Variants in MAP1B observed in about 807,000 individuals in gnomAD.
The protein encoded by MAP1B is microtubule associated protein 1B, also known as microtubule-associated protein 1B.
A neutral mutation model predicts 176.1 loss-of-function variants in MAP1B; 12 were observed. That is an observed-to-expected ratio of 0.07 (90% CI 0.04 to 0.11). MAP1B has a LOEUF of 0.11. MAP1B is among the 10% of genes least tolerant of loss of function. The probability of loss-of-function intolerance (pLI) is 1.00; values close to 1 mark genes in which losing one functional copy is unlikely to be tolerated. For synonymous variants in MAP1B, 1,044 were observed against 1,135.0 expected, an observed-to-expected ratio of 0.92 and a Z score of 1.61; for missense variants, 2,523 against 2,990.5, an observed-to-expected ratio of 0.84 and a Z score of 3.65.
rs3792806 is a variant in MAP1B, at chr5:72,186,060, C to T, written c.370-554C>T. Among the ~76,000 whole-genome samples the T allele has an allele frequency of 0.85, 128,759 of 152,194 alleles. 55,058 individuals are homozygous for T. The highest frequency in any genetic ancestry group is 0.97 in the East Asian group (5,000 of 5,180). On this transcript the variant is annotated intron_variant, in intron 3 of 6. Coordinates refer to ENST00000296755, the MANE Select transcript of MAP1B (RefSeq NM_005909.5). The surrounding 1 kb of genome is among the most constrained non-coding windows in gnomAD (Gnocchi z 4.3). The stretch of plus-strand genomic sequence containing the variant: ...AATGTCAAGCACCTTACTGATGCCA[C>T]TGGAGACTGCCGTGGAGCTGTGTGT...
chr5:72,129,449 C>G (rs796812711), intron 2 of MAP1B, among the ~76,000 whole-genome samples: 82 of 151,788 alleles, frequency 5.4e-4, no homozygotes, highest in African/African-American at 1.9e-3. Flanking sequence ...CCCAGCTACT[C>G]GGGAGGCTGA....
chr5:72,115,177 T>A (rs1531310), intron 1 of MAP1B, among the ~76,000 whole-genome samples: 1 of 152,066 alleles, frequency 6.6e-6, no homozygotes, highest in East Asian at 1.9e-4. Context: ...AAAACGGGAT[T>A]GGTAAAGGAA....
In MAP1B at chr5:72,201,227, CTGGGTGTGGTGGCACGTGCT is replaced by C. The variant is rs1470745605; in HGVS notation, c.7012+862_7012+881del. 7.0e-3 allele frequency among the ~76,000 whole-genome samples: 572 copies of C among 81,590 alleles called. 4 individuals are homozygous for C. The highest frequency in any genetic ancestry group is 0.031 in the African/African-American group (547 of 17,580). The allele number at this position is 81,590 out of a possible 152,430, so 53.5% of individuals were successfully genotyped here. A position where few individuals can be genotyped will look rare whatever the true frequency, so the allele number is the denominator to read the frequency against. On this transcript the variant is annotated intron_variant, in intron 5 of 6. Coordinates refer to ENST00000296755, the MANE Select transcript of MAP1B (RefSeq NM_005909.5). ...AAAAAAAAAAATGTTTTTTAATTAG[CTGGGTGTGGTGGCACGTGCT>C]TATAGTCTTAGCTACTTGGGAGGCT...
chr5:72,121,357 A>T (rs751957211), intron 2 of MAP1B, among the ~76,000 whole-genome samples: 4 of 152,222 alleles, frequency 2.6e-5, no homozygotes, highest in Non-Finnish European at 5.9e-5. Context: ...ACACAGTAAG[A>T]CCTTGATATA....
intron 2 of MAP1B, among the ~76,000 whole-genome samples, chr5:72,135,687 C>T (rs1208860458): frequency 6.6e-6 from 1 of 151,770 alleles, no homozygotes; most frequent in African/African-American, 2.4e-5. Context: ...CATCTAGTTT[C>T]CCTGGAACAG....
chr5:72,146,870 A>G (rs1746054093), intron 2 of MAP1B, among the ~76,000 whole-genome samples: 2 of 152,214 alleles, frequency 1.3e-5, no homozygotes, highest in South Asian at 4.1e-4. Flanking sequence ...GGGCAACTGA[A>G]AACTTTTTCA....
At chr5:72,152,714 A>G (rs542195223) in intron 2 of MAP1B, among the ~76,000 whole-genome samples, 3 of 152,302 alleles carry the variant, frequency 2.0e-5, no homozygotes, top group African/African-American at 7.2e-5. Flanking sequence ...GATTACAGGC[A>G]TGAGCCACCG....
chr5:72,196,010 C>G lies in MAP1B; in HGVS notation c.2655C>G (p.Thr885=), dbSNP rs375972752. The G allele has an allele frequency of 5.0e-5, 81 of 1,614,052 alleles. No individual in the cohort carries two copies. In the Admixed American group the frequency reaches 6.8e-4, roughly 14 times the overall value. ...TCATCCAGAAGGAGAGAGAAGTCACCAAAGGTCCTGCCGAGTCCCCTGATG... is the reference window on the plus strand; with the variant it reads ...TCATCCAGAAGGAGAGAGAAGTCACGAAAGGTCCTGCCGAGTCCCCTGATG... ...AYVIQKEREV[T]KGPAESPDEG... Residue 885 remains threonine (T), a synonymous_variant, in exon 5 of 7, where the codon ACC becomes ACG. Transcript: ENST00000296755. The surrounding 1 kb of genome is among the most constrained non-coding windows in gnomAD (Gnocchi z 5.3).
rs781133551 is a variant in MAP1B at position 72,197,825 on chromosome 5, G to A, written c.4470G>A (p.Leu1490=). ...AAGCCATGAGTTCTCAACCAGCACT[G>A]GCTCTGGATGAAAGGAAATTAGGAG... ...DVEAMSSQPA[L]ALDERKLGDV... Residue 1490 remains leucine, a synonymous_variant, in exon 5 of 7, where the codon CTG becomes CTA. Coordinates refer to ENST00000296755, the MANE Select transcript of MAP1B (RefSeq NM_005909.5). The A allele has an allele frequency of 5.6e-6, 9 of 1,614,076 alleles. No individual in the cohort carries two copies. Among genetic ancestry groups the A allele is most frequent in the East Asian group, 2.2e-5 (1 of 44,890 alleles).
intron 5 of MAP1B, among the ~76,000 whole-genome samples, chr5:72,202,374 G>C (rs186903332): frequency 1.3e-5 from 2 of 152,268 alleles, no homozygotes; most frequent in East Asian, 3.9e-4. Flanking sequence ...ATAAACTATT[G>C]ATCTATTCAT....
chr5:72,196,636 C>T lies in MAP1B; in HGVS notation c.3281C>T (p.Ser1094Leu). The T allele has an allele frequency of 6.2e-7, 1 of 1,614,080 alleles. No individual in the cohort carries two copies. The highest frequency in any genetic ancestry group is 8.5e-7 in the Non-Finnish European group (1 of 1,180,036). ...CATGATGAGACTTTACCTGGAGGCT[C>T]AGAGAGCGAGGCCACCGCTTCTGAT... is the stretch of plus-strand genomic sequence containing the variant. The part of the protein sequence containing the change: ...SIHDETLPGG[S>L]ESEATASDEE... The change falls in exon 5 of 7, where the codon TCA becomes TTA. Residue 1094 changes from serine (S) to leucine (L), a missense_variant. Physicochemically the swap from Ser to Leu is moderately radical, Grantham distance 145. Transcript: ENST00000296755. This position sits in a 1 kb window ranked among gnomAD's most constrained non-coding sequence, Gnocchi z 5.3.
chr5:72,129,131 G>C (rs549980073), intron 2 of MAP1B, among the ~76,000 whole-genome samples: 1 of 152,330 alleles, frequency 6.6e-6, no homozygotes, highest in South Asian at 2.1e-4. Context: ...CCTAGGAAGA[G>C]ACAAGGTTGT....
At chr5:72,147,644 G>A (rs1007092049) in intron 2 of MAP1B, among the ~76,000 whole-genome samples, 3 of 152,246 alleles carry the variant, frequency 2.0e-5, no homozygotes, top group African/African-American at 7.2e-5. Flanking sequence ...CAATTGGCCA[G>A]TATTCCTGTG....
At chr5:72,171,505 A>G (rs3098379) in intron 2 of MAP1B, among the ~76,000 whole-genome samples, 71,371 of 151,780 alleles carry the variant, frequency 0.47, 17,473 homozygotes, top group African/African-American at 0.6. Flanking sequence ...TGGGAGGATC[A>G]CTTGAGCCCA....
Position 72,198,644 on chromosome 5 carries a change from C to T in MAP1B, c.5289C>T (p.Ala1763=), listed in dbSNP as rs746056460. The change falls in exon 5 of 7, where the codon GCC becomes GCT. Residue 1763 remains alanine, a synonymous_variant. Coordinates refer to ENST00000296755, the MANE Select transcript of MAP1B (RefSeq NM_005909.5). ...VAPPRDMSLY[A]SLTSEKVQSL... is the part of the protein sequence containing the mutation. ...CTCCCAGAGATATGTCCTTATATGC[C>T]TCACTCACCTCTGAAAAAGTGCAAA... The T allele has an allele frequency of 2.5e-6, 4 of 1,614,150 alleles. No homozygotes were observed. In the South Asian group the frequency reaches 3.3e-5, roughly 13 times the overall value.
chr5:72,119,091 A>T (rs1197344811), intron 2 of MAP1B, among the ~76,000 whole-genome samples: 2 of 152,232 alleles, frequency 1.3e-5, no homozygotes, highest in African/African-American at 4.8e-5. Flanking sequence ...ATCTTGAATA[A>T]TATCCTTTGA....
intron 2 of MAP1B, among the ~76,000 whole-genome samples, chr5:72,167,107 A>C (rs569857973): frequency 6.6e-6 from 1 of 152,144 alleles, no homozygotes; most frequent in Admixed American, 6.5e-5. Flanking sequence ...CAGACATTAC[A>C]AAAGAGAGAG....
chr5:72,110,304 G>T (rs1171105779), intron 1 of MAP1B, among the ~76,000 whole-genome samples: 1 of 152,172 alleles, frequency 6.6e-6, no homozygotes, highest in African/African-American at 2.4e-5. Context: ...CGAAATGACT[G>T]TATTGATCCC....
Position 72,195,665 on chromosome 5 carries a change from T to C in MAP1B, c.2310T>C (p.Ser770=). 1 of 1,614,224 alleles carries C rather than the reference T, an allele frequency of 6.2e-7. No individual in the cohort carries two copies. The highest frequency in any genetic ancestry group is 8.5e-7 in the Non-Finnish European group (1 of 1,180,048). Residue 770 remains serine, a synonymous_variant, in exon 5 of 7, where the codon TCT becomes TCC. Coordinates refer to ENST00000296755, the MANE Select transcript of MAP1B (RefSeq NM_005909.5). ...AGGAAGAGTCTGTCAAGAAAGATTC[T>C]GTTGCTGCCGGAAAGCCAAAGGAGA... The part of the protein sequence containing the change: ...PKKEESVKKD[S]VAAGKPKEKG...
Sources: gnomAD v4.1 joint callset for allele counts (sites outside exome capture counted in the v4.1 genomes callset) on GRCh38, gnomAD v4.1.1 for gene constraint, Gnocchi (gnomAD v3.1) non-coding constraint, MANE v1.5 for transcripts, NCBI Gene and HGNC (gene_info 2026-07-23, HGNC 2026-07-21) for gene names.